The following CYP4F3 variants were observed in gnomAD, a reference collection of about 807,000 sequenced individuals.
The protein encoded by CYP4F3 is cytochrome P450 4F3.
Under a neutral mutation model 54.8 loss-of-function variants are expected in CYP4F3, and 50 were observed. The observed-to-expected ratio is 0.91, with a 90% CI of 0.73 to 1.16. CYP4F3 has a LOEUF of 1.16. Ranked by LOEUF, CYP4F3 falls within the 50% of genes most tolerant of loss-of-function variation. The pLI is 0.00. For missense variants in CYP4F3, 715 were observed against 676.2 expected (o/e 1.06, Z -0.64); for synonymous variants, 244 against 262.6 (o/e 0.93, Z 0.69).
chr19:15,650,009 T>C lies in CYP4F3; in HGVS notation c.744T>C (p.Tyr248=). Residue 248 remains tyrosine, a synonymous_variant, in exon 7 of 13, where the codon TAT becomes TAC. Coordinates refer to ENST00000221307, the MANE Select transcript of CYP4F3 (RefSeq NM_000896.3). ...TCCTGTACATAGACTTCCTGTATTATCTCACCCCTGATGGGCAGCGTTTCC... is the reference window on the plus strand; with the variant it reads ...TCCTGTACATAGACTTCCTGTATTACCTCACCCCTGATGGGCAGCGTTTCC... ...QILLYIDFLY[Y]LTPDGQRFRR... The C allele has an allele frequency of 6.2e-7, 1 of 1,614,188 alleles. No individual in the cohort carries two copies. The highest frequency in any genetic ancestry group is 8.5e-7 in the Non-Finnish European group (1 of 1,180,042).
chr19:15,654,050 G>A (rs767294004), intron 9 of CYP4F3, among the ~76,000 whole-genome samples: 10 of 151,528 alleles, frequency 6.6e-5, no homozygotes, highest in African/African-American at 1.9e-4. Context: ...GAATGAGAGC[G>A]CAGTGGGGAC....
chr19:15,652,704 C>A (rs1490659190), intron 8 of CYP4F3, 69 bp downstream of exon 8: 1 of 1,611,550 alleles, frequency 6.2e-7, no homozygotes, highest in East Asian at 2.2e-5. Context: ...GGTGGGTGGA[C>A]CCCTCGCACT....
Position 15,658,828 on chromosome 19 carries a change from T to C in CYP4F3, c.1397+19T>C, listed in dbSNP as rs1002881075. 2.5e-6 allele frequency: 4 copies of C among 1,613,402 alleles called. No homozygotes were observed. The African/African-American group carries it at 5.3e-5, about 22-fold the overall frequency. ...GGCCCAGGTAAGAGCGGCCTGTGTT[T>C]GAGGCGGGGACGGGGAGATAGGTGC... On this transcript the variant is annotated intron_variant, in intron 12 of 12. Transcript: ENST00000221307.
chr19:15,649,861 G>A (rs1972734831), intron 6 of CYP4F3, 52 bp from the exon 7 acceptor site: 3 of 1,593,188 alleles, frequency 1.9e-6, no homozygotes, highest in Non-Finnish European at 2.6e-6. Context: ...AGGTGATCCT[G>A]GGGCTTCAGG....
At chr19:15,658,651 GAC>G in intron 11 of CYP4F3, 74 bp from the exon 12 acceptor site, 1 of 1,608,882 alleles carries the variant, frequency 6.2e-7, no homozygotes, top group South Asian at 1.1e-5. Context: ...CTCCCTCCAA[GAC>G]ACACACCACT....
At chr19:15,651,315 GT>G (rs1972848696) in intron 7 of CYP4F3, among the ~76,000 whole-genome samples, 1 of 136,658 alleles carries the variant, frequency 7.3e-6, no homozygotes, top group Admixed American at 7.3e-5. Flanking sequence ...CTATGTCCAT[GT>G]TTTTTTGTCT....
chr19:15,653,857 T>C (rs1810364), intron 9 of CYP4F3, among the ~76,000 whole-genome samples: 5 of 150,686 alleles, frequency 3.3e-5, no homozygotes, highest in Non-Finnish European at 5.9e-5. Flanking sequence ...ATGATAAAAC[T>C]GGAGATGGTA....
chr19:15,641,532 T>C lies in CYP4F3; in HGVS notation c.117T>C (p.Tyr39=). The stretch of plus-strand genomic sequence containing the variant: ...TGGCCCGCATCCTGGCCTGGACCTA[T>C]ACCTTCTATGACAACTGCTGCCGCC... ...WLLARILAWT[Y]TFYDNCCRLR... Residue 39 remains tyrosine, a synonymous_variant, in exon 2 of 13, where the codon TAT becomes TAC. Coordinates refer to ENST00000221307, the MANE Select transcript of CYP4F3 (RefSeq NM_000896.3). The C allele has an allele frequency of 1.2e-6, 2 of 1,614,184 alleles. No homozygotes were observed. Among genetic ancestry groups the C allele is most frequent in the Non-Finnish European group, 1.7e-6 (2 of 1,180,040 alleles).
chr19:15,657,593 C>T (rs62104401), intron 9 of CYP4F3, among the ~76,000 whole-genome samples: 31,599 of 152,044 alleles, frequency 0.21, 3,569 homozygotes, highest in Middle Eastern at 0.27. Flanking sequence ...AATATGACTG[C>T]AAATCCTTTA....
At chr19:15,651,986 T>G (rs910393851) in intron 7 of CYP4F3, among the ~76,000 whole-genome samples, 2 of 152,182 alleles carry the variant, frequency 1.3e-5, no homozygotes, top group African/African-American at 4.8e-5. Flanking sequence ...TGCGATGTTT[T>G]CCCCTGTACG....
chr19:15,656,889 C>T (rs1973042414), intron 9 of CYP4F3, among the ~76,000 whole-genome samples: 1 of 152,020 alleles, frequency 6.6e-6, no homozygotes, highest in African/African-American at 2.4e-5. Context: ...CTTTTTTTCA[C>T]TCAACAGGGT....
At chr19:15,649,403 C>G (rs2283612) in intron 6 of CYP4F3, 122 bp downstream of exon 6, 7 of 1,483,452 alleles carry the variant, frequency 4.7e-6, no homozygotes, top group Non-Finnish European at 6.4e-6. Flanking sequence ...TATACCTGAT[C>G]GTTGAAGGAC....
At chr19:15,640,967 G>C (rs1248235892) in intron 1 of CYP4F3, 22 bp downstream of exon 1, 1 of 163,168 alleles carries the variant, frequency 6.1e-6, no homozygotes, top group Non-Finnish European at 1.3e-5. Context: ...GGGGTGGTGG[G>C]CCTGGGGCAT....
At chr19:15,649,128 C>T (rs577159936) in intron 5 of CYP4F3, 32 bp from the exon 6 acceptor site, 2 of 1,612,068 alleles carry the variant, frequency 1.2e-6, no homozygotes, top group Middle Eastern at 1.7e-4. Context: ...GAGCAAGGGA[C>T]CTGCCCCAGC....
intron 2 of CYP4F3, chr19:15,643,921 G>A: frequency 6.3e-7 from 1 of 1,588,498 alleles, no homozygotes; most frequent in African/African-American, 1.4e-5. Flanking sequence ...CCCCCACGGA[G>A]CAGGGCATGA....
At chr19:15,651,139 A>G (rs62104380) in intron 7 of CYP4F3, among the ~76,000 whole-genome samples, 5,348 of 106,526 alleles carry the variant, frequency 0.05, 382 homozygotes, top group South Asian at 0.074. Context: ...CTCCCAAAGT[A>G]CTGGGATTAC....
chr19:15,655,508 G>A (rs571112631), intron 9 of CYP4F3, among the ~76,000 whole-genome samples: 12 of 152,242 alleles, frequency 7.9e-5, no homozygotes, highest in South Asian at 6.2e-4. Flanking sequence ...AAAAATGGTC[G>A]AAAGACTTTA....
At chr19:15,643,166 T>C (rs1458108325) in intron 2 of CYP4F3, among the ~76,000 whole-genome samples, 1 of 150,990 alleles carries the variant, frequency 6.6e-6, no homozygotes, top group East Asian at 1.9e-4. Flanking sequence ...AATGAATAGA[T>C]AGATAGGTAG....
In CYP4F3 at chr19:15,658,302, T is replaced by G; in HGVS notation, c.1154T>G (p.Ile385Ser). 6.2e-7 allele frequency: 1 copy of G among 1,614,118 alleles called. No homozygotes were observed. The part of the protein sequence containing the change: ...LAQLPFLTMC[I>S]KESLRLHPPV... ...CAGCTGCCCTTCCTGACCATGTGCA[T>G]TAAGGAGAGCCTGAGGCTGCATCCC... is the stretch of plus-strand genomic sequence containing the variant. Residue 385 changes from isoleucine to serine, a missense_variant, in exon 10 of 13, where the codon ATT (isoleucine) becomes AGT (serine). By Grantham distance (142) the Ile-to-Ser change is moderately radical. Coordinates refer to ENST00000221307, the MANE Select transcript of CYP4F3 (RefSeq NM_000896.3).
Sources: allele counts gnomAD v4.1 joint callset (sites outside exome capture counted in the v4.1 genomes callset), GRCh38; gene constraint gnomAD v4.1.1; transcripts MANE v1.5; gene names NCBI Gene and HGNC (gene_info 2026-07-23, HGNC 2026-07-21).